UPK1A: variants seen among roughly 807,000 people sequenced by gnomAD.
UPK1A encodes the protein uroplakin 1A, also known as uroplakin-1a.
In UPK1A, 31 loss-of-function variants were observed where a neutral mutation model predicts 32.3. That is an observed-to-expected ratio of 0.96 (90% CI 0.72 to 1.30). UPK1A has a LOEUF of 1.30. Ranked by LOEUF, UPK1A falls within the 50% of genes most tolerant of loss-of-function variation. UPK1A has a pLI of 0.00. For synonymous variants in UPK1A, 135 were observed against 137.1 expected (o/e 0.98, Z 0.11); for missense variants, 340 against 357.4 (o/e 0.95, Z 0.39).
At chr19:35,674,788 T>A (rs1325465446) in intron 5 of UPK1A, among the ~76,000 whole-genome samples, 1 of 151,886 alleles carries the variant, frequency 6.6e-6, no homozygotes, top group Admixed American at 6.6e-5. Flanking sequence ...AAACCTATAA[T>A]CCCAACACTT....
Position 35,668,458 on chromosome 19 carries a change from C to T in UPK1A, c.89C>T (p.Ser30Leu), listed in dbSNP as rs757773743. 8.1e-6 allele frequency: 13 copies of T among 1,614,154 alleles called. No individual in the cohort carries two copies. The South Asian group carries it at 1.2e-4, about 15-fold the overall frequency. Residue 30 changes from serine (S) to leucine (L), a missense_variant, in exon 3 of 8, where the codon TCA becomes TTA. By Grantham distance (145) the Ser-to-Leu change is moderately radical. Transcript: ENST00000617999. Reference sequence around the variant, plus strand: ...CTAACCCACCGCTCTGTCCAGCTGTCAGGCCTGTCCCTGTTTGCTGAGACC... The same window carrying T: ...CTAACCCACCGCTCTGTCCAGCTGTTAGGCCTGTCCCTGTTTGCTGAGACC...
intron 5 of UPK1A, among the ~76,000 whole-genome samples, chr19:35,675,561 G>GT (rs143154683): frequency 0.063 from 9,581 of 152,220 alleles, 369 homozygotes; most frequent in African/African-American, 0.12. Flanking sequence ...GATTACAGGC[G>GT]TGAGACACCG....
intron 3 of UPK1A, among the ~76,000 whole-genome samples, chr19:35,670,229 G>C (rs964217914): frequency 6.6e-6 from 1 of 152,276 alleles, no homozygotes; most frequent in Middle Eastern, 3.4e-3. Flanking sequence ...GGAGGAGGTT[G>C]GGGGGTGAGA....
At chr19:35,673,539 G>C in exon 5 of UPK1A, 2 of 1,613,392 alleles carry the variant, frequency 1.2e-6, no homozygotes, top group Non-Finnish European at 1.7e-6. Context: ...ACCGCGTCAT[G>C]ATTGAGGTGG....
At chr19:35,666,953 C>A in intron 2 of UPK1A, 57 bp downstream of exon 2, 1 of 1,578,824 alleles carries the variant, frequency 6.3e-7, no homozygotes, top group South Asian at 1.1e-5. Flanking sequence ...AGGGGACAGT[C>A]CTGAGCTCGG....
At chr19:35,673,147 C>A (rs952625541) in intron 3 of UPK1A, 85 bp from the exon 4 acceptor site, 26 of 1,443,354 alleles carry the variant, frequency 1.8e-5, no homozygotes, top group Admixed American at 1.2e-4. Context: ...TTTTTTAAAA[C>A]TTGCATTTCC....
At chr19:35,668,479 A>T in exon 3 of UPK1A, 1 of 1,614,190 alleles carries the variant, frequency 6.2e-7, no homozygotes, top group Non-Finnish European at 8.5e-7. Context: ...CTGTTTGCTG[A>T]GACCATATGG....
At position 35,675,827 on chromosome 19, in the gene UPK1A, C is replaced by A; in HGVS notation, c.469-13C>A. 1 of 1,597,048 alleles carries A rather than the reference C, an allele frequency of 6.3e-7. No individual in the cohort carries two copies. Among genetic ancestry groups the A allele is most frequent in the Non-Finnish European group, 8.6e-7 (1 of 1,168,560 alleles). On this transcript the variant is annotated splice_polypyrimidine_tract_variant and intron_variant, in intron 5 of 7. Transcript: ENST00000617999. Reference sequence around the variant, plus strand: ...GAGCCCGAGCCTGCCTGACCCCCTGCTTTTCACTCTAGCAAGAATGCTGTG... The same window carrying A: ...GAGCCCGAGCCTGCCTGACCCCCTGATTTTCACTCTAGCAAGAATGCTGTG...
chr19:35,666,807 A>C lies in UPK1A; in HGVS notation c.-4-2A>C. ...GGCCTCATCCCTGCTCATGTGTCCC[A>C]GGATGATGGCGTCTGCGGCAGCAGC... On this transcript the variant is annotated splice_acceptor_variant, in intron 1 of 7. Transcript: ENST00000617999. LOFTEE classifies it low-confidence loss of function (5UTR_SPLICE). 2 of 1,614,100 alleles carry C rather than the reference A, an allele frequency of 1.2e-6. No homozygotes were observed. Among genetic ancestry groups the C allele is most frequent in the Non-Finnish European group, 1.7e-6 (2 of 1,179,954 alleles).
chr19:35,671,072 A>G (rs1287829830), intron 3 of UPK1A, among the ~76,000 whole-genome samples: 1 of 151,858 alleles, frequency 6.6e-6, no homozygotes, highest in Admixed American at 6.6e-5. Flanking sequence ...CAAAGCCCTA[A>G]AAAGTCACCC....
At position 35,668,672 on chromosome 19, in the gene UPK1A, G is replaced by A. The variant is rs773136151; in HGVS notation, c.285+18G>A. On this transcript the variant is annotated intron_variant, in intron 3 of 7. Transcript: ENST00000617999. ...TCCTCACGGTGAGACTCCAGGGGTTGGGGGATGGGGACACTGAAAACGGAG... is the reference window on the plus strand; with the variant it reads ...TCCTCACGGTGAGACTCCAGGGGTTAGGGGATGGGGACACTGAAAACGGAG... The A allele has an allele frequency of 2.5e-6, 4 of 1,601,706 alleles. 1 individual carries two copies. The South Asian group carries it at 4.5e-5, about 18-fold the overall frequency.
chr19:35,668,596 T>C lies in UPK1A; in HGVS notation c.227T>C (p.Met76Thr), dbSNP rs768842719. Residue 76 changes from methionine to threonine, a missense_variant, in exon 3 of 8, where the codon ATG becomes ACG. Physicochemically the swap from Met to Thr is moderately conservative, Grantham distance 81. Coordinates refer to ENST00000617999, the Ensembl canonical transcript of UPK1A. ...ATCTTCTGCGGCTTCTCCTTCTTCA[T>C]GGTAGCCAGTTTTGGTGTGGGTGCC... 3 of 1,614,118 alleles carry C rather than the reference T, an allele frequency of 1.9e-6. No individual in the cohort carries two copies. In the South Asian group the frequency reaches 3.3e-5, roughly 18 times the overall value.
At chr19:35,668,504 G>A (rs1365531094) in exon 3 of UPK1A, 5 of 1,614,212 alleles carry the variant, frequency 3.1e-6, no homozygotes, top group Admixed American at 3.3e-5. Context: ...CAGCCGACCA[G>A]TACCGTGTAT....
At chr19:35,669,513 A>AG (rs1968053299) in intron 3 of UPK1A, among the ~76,000 whole-genome samples, 1 of 151,558 alleles carries the variant, frequency 6.6e-6, no homozygotes, top group African/African-American at 2.4e-5. Flanking sequence ...AAAAAAAAAA[A>AG]AAAAAAAATT....
chr19:35,668,034 C>G (rs979114948), intron 2 of UPK1A: 2 of 258,000 alleles, frequency 7.8e-6, no homozygotes, highest in South Asian at 4.5e-5. Context: ...GCAATCCTCC[C>G]GCCTCGGCCT....
chr19:35,678,249 A>C, exon 8 of UPK1A: 2 of 453,036 alleles, frequency 4.4e-6, no homozygotes, highest in East Asian at 3.2e-5. Flanking sequence ...CTTTCAAGGG[A>C]CCTCTCCATG....
intron 3 of UPK1A, 115 bp from the exon 4 acceptor site, chr19:35,673,102 ATATTATAGATGCTGC>A (rs774992340): frequency 3.0e-5 from 23 of 771,406 alleles, no homozygotes; most frequent in Non-Finnish European, 5.1e-5. Context: ...CACCCACCAC[ATATTATAGATGCTGC>A]TAGTCACACT....
At chr19:35,675,566 A>T (rs1179042310) in intron 5 of UPK1A, among the ~76,000 whole-genome samples, 3 of 152,030 alleles carry the variant, frequency 2.0e-5, no homozygotes, top group Non-Finnish European at 4.4e-5. Flanking sequence ...CAGGCGTGAG[A>T]CACCGTGCCC....
intron 3 of UPK1A, among the ~76,000 whole-genome samples, chr19:35,671,642 T>G (rs1968103217): frequency 6.6e-6 from 1 of 150,424 alleles, no homozygotes; most frequent in Non-Finnish European, 1.5e-5. Flanking sequence ...TTTTGTATTT[T>G]TAGTAGAGAT....
Sources: allele counts gnomAD v4.1 joint callset (sites outside exome capture counted in the v4.1 genomes callset), GRCh38; gene constraint gnomAD v4.1.1; transcripts MANE v1.5; gene names NCBI Gene and HGNC (gene_info 2026-07-23, HGNC 2026-07-21).